TTBK2: variants seen among roughly 807,000 people sequenced by gnomAD.
TTBK2 encodes the protein tau tubulin kinase 2, also known as tau-tubulin kinase 2.
Under a neutral mutation model 110.8 loss-of-function variants are expected in TTBK2, and 28 were observed. The observed-to-expected ratio is 0.25, with a 90% CI of 0.19 to 0.35. TTBK2 has a LOEUF of 0.35. TTBK2 is among the 10% of genes least tolerant of loss of function. The pLI is 1.00. For missense variants in TTBK2, 1,369 were observed against 1,500.3 expected, an observed-to-expected ratio of 0.91 and a Z score of 1.45; for synonymous variants, 532 against 527.3, an observed-to-expected ratio of 1.01 and a Z score of -0.12.
intron 7 of TTBK2, 28 bp from the exon 8 acceptor site, chr15:42,811,808 C>T: frequency 6.3e-7 from 1 of 1,595,730 alleles, no homozygotes. Flanking sequence ...AATCCAGTCA[C>T]ATAACATTAT....
chr15:42,899,583 C>A (rs1225387848), intron 1 of TTBK2, among the ~76,000 whole-genome samples: 1 of 151,932 alleles, frequency 6.6e-6, no homozygotes, highest in Non-Finnish European at 1.5e-5. Context: ...TACTAAAATA[C>A]AAAGAAATTA....
At chr15:42,771,895 G>A (rs1423293371) in intron 13 of TTBK2, among the ~76,000 whole-genome samples, 1 of 152,104 alleles carries the variant, frequency 6.6e-6, no homozygotes, top group African/African-American at 2.4e-5. Context: ...GACTCTTCAT[G>A]GATTCTCCCT....
chr15:42,775,823 G>A, intron 12 of TTBK2, 100 bp from the exon 13 acceptor site: 2 of 920,106 alleles, frequency 2.2e-6, no homozygotes, highest in South Asian at 1.9e-5. Flanking sequence ...AAAGATGAGA[G>A]AAAAAAAGAT....
chr15:42,775,602 ATTC>A lies in TTBK2; in HGVS notation c.1528_1530del (p.Glu510del), dbSNP rs1467591446. 2 of 1,614,004 alleles carry A rather than the reference ATTC, an allele frequency of 1.2e-6. No individual in the cohort carries two copies. The highest frequency in any genetic ancestry group is 1.7e-6 in the Non-Finnish European group (2 of 1,180,010). On this transcript the variant is annotated inframe_deletion, in exon 13 of 15. Transcript: ENST00000267890. Reference sequence around the variant, plus strand: ...GCAGGCTTGGAGGCATCTGGAAGATATTCTTCATCATAGTGCCAGATGTGGTCA... The same window carrying A: ...GCAGGCTTGGAGGCATCTGGAAGATATTCATCATAGTGCCAGATGTGGTCA...
intron 9 of TTBK2, among the ~76,000 whole-genome samples, chr15:42,806,038 T>G (rs528013860): frequency 6.6e-6 from 1 of 152,110 alleles, no homozygotes; most frequent in African/African-American, 2.4e-5. Context: ...CCAAGGTGGG[T>G]GGATCACTTG....
intron 1 of TTBK2, among the ~76,000 whole-genome samples, chr15:42,901,608 T>C (rs1433204265): frequency 2.8e-5 from 4 of 144,682 alleles, no homozygotes; most frequent in African/African-American, 1.0e-4. Flanking sequence ...TAGCGAGACC[T>C]CGTCTCTAAA....
In TTBK2 at chr15:42,794,938, A is replaced by C; in HGVS notation, c.823-137T>G. 3.0e-6 allele frequency: 3 copies of C among 1,007,196 alleles called. No individual in the cohort carries two copies. In the South Asian group the frequency reaches 4.2e-5, roughly 14 times the overall value. 62.4% of individuals were successfully genotyped at this position (1,007,196 alleles called of 1,614,324 possible). A position where few individuals can be genotyped will look rare whatever the true frequency, so the allele number is the denominator to read the frequency against. On this transcript the variant is annotated intron_variant, in intron 9 of 14. Transcript: ENST00000267890. ...AAAAACTGATGGCTCAAATTGCGAA[A>C]TTTGAATAGGAACTATATGTAGATG...
chr15:42,820,585 T>C (rs1358106247), intron 6 of TTBK2, among the ~76,000 whole-genome samples: 2 of 152,208 alleles, frequency 1.3e-5, no homozygotes, highest in Non-Finnish European at 2.9e-5. Flanking sequence ...AGTCAGTCAC[T>C]ACCATCAGTG....
chr15:42,889,053 T>C (rs1033296706), intron 1 of TTBK2, among the ~76,000 whole-genome samples: 9 of 152,186 alleles, frequency 5.9e-5, no homozygotes, highest in African/African-American at 2.2e-4. Flanking sequence ...CTCTTCCATG[T>C]AGGTTATAAG....
intron 6 of TTBK2, among the ~76,000 whole-genome samples, chr15:42,824,430 C>G (rs1397296675): frequency 6.6e-6 from 1 of 152,100 alleles, no homozygotes; most frequent in African/African-American, 2.4e-5. Context: ...GGTATTATCA[C>G]TGGAGGAAGC....
intron 13 of TTBK2, among the ~76,000 whole-genome samples, chr15:42,772,934 C>CA (rs899880481): frequency 5.3e-5 from 8 of 152,136 alleles, no homozygotes; most frequent in Non-Finnish European, 1.0e-4. Context: ...ACAACAACAA[C>CA]AACAACAACA....
intron 13 of TTBK2, among the ~76,000 whole-genome samples, chr15:42,774,143 C>T (rs1271324412): frequency 3.3e-5 from 5 of 152,158 alleles, no homozygotes; most frequent in African/African-American, 1.2e-4. Context: ...GGTATCTTTT[C>T]CCACTGTTTT....
chr15:42,898,292 T>C (rs1157543895), intron 1 of TTBK2, among the ~76,000 whole-genome samples: 1 of 151,732 alleles, frequency 6.6e-6, no homozygotes, highest in African/African-American at 2.4e-5. Flanking sequence ...CAGTGGCTGA[T>C]ACCTGTAATC....
intron 1 of TTBK2, among the ~76,000 whole-genome samples, chr15:42,900,808 A>G (rs1413371563): frequency 1.3e-5 from 2 of 152,222 alleles, no homozygotes; most frequent in African/African-American, 4.8e-5. Context: ...AATTTACTAC[A>G]GAAAACATGT....
At chr15:42,756,227 A>G (rs776253419) in intron 13 of TTBK2, among the ~76,000 whole-genome samples, 11 of 152,146 alleles carry the variant, frequency 7.2e-5, no homozygotes, top group Admixed American at 2.0e-4. Context: ...AAAAAAAACC[A>G]GTCACCTAAT....
chr15:42,843,106 A>G (rs924374202), intron 3 of TTBK2, among the ~76,000 whole-genome samples: 2 of 152,166 alleles, frequency 1.3e-5, no homozygotes, highest in Admixed American at 1.3e-4. Flanking sequence ...TGGTACTAAA[A>G]ACACTTTTGC....
At chr15:42,772,316 A>G (rs113310013) in intron 13 of TTBK2, among the ~76,000 whole-genome samples, 56 of 152,168 alleles carry the variant, frequency 3.7e-4, no homozygotes, top group Non-Finnish European at 5.1e-4. Flanking sequence ...GCGAGGAACT[A>G]GAGCCTCTGG....
At chr15:42,782,721 G>A (rs180779300) in intron 11 of TTBK2, among the ~76,000 whole-genome samples, 3 of 152,282 alleles carry the variant, frequency 2.0e-5, no homozygotes, top group Admixed American at 1.3e-4. Flanking sequence ...AATGGACTTA[G>A]GGTCAAAACT....
intron 3 of TTBK2, among the ~76,000 whole-genome samples, chr15:42,867,259 A>G (rs1253950212): frequency 6.6e-6 from 1 of 151,160 alleles, no homozygotes; most frequent in Non-Finnish European, 1.5e-5. Context: ...AAAAAAAAAA[A>G]AGAAAAGAAA....
Sources: allele counts gnomAD v4.1 joint callset (sites outside exome capture counted in the v4.1 genomes callset), GRCh38; gene constraint gnomAD v4.1.1; transcripts MANE v1.5; gene names NCBI Gene and HGNC (gene_info 2026-07-23, HGNC 2026-07-21).